USH2A: variants seen among roughly 807,000 people sequenced by gnomAD.
The protein encoded by USH2A is usherin, also known as Usher syndrome 2A (autosomal recessive, mild).
Under a neutral mutation model 538.9 loss-of-function variants are expected in USH2A, and 443 were observed. The observed-to-expected ratio is 0.82, with a 90% confidence interval of 0.76 to 0.89. The LOEUF (loss-of-function observed/expected upper bound fraction) is 0.89, where lower values mean the gene tolerates loss of function less well. Ranked by LOEUF, USH2A falls within the 40% of genes least tolerant of loss-of-function variation. USH2A has a pLI of 0.00. For synonymous variants in USH2A, 2,413 were observed against 2,273.5 expected, an observed-to-expected ratio of 1.06 and a Z score of -1.75; for missense variants, 6,633 against 6,324.8, an observed-to-expected ratio of 1.05 and a Z score of -1.65.
In USH2A at chr1:215,674,312, T is replaced by G; in HGVS notation, c.13599A>C (p.Ser4533=). The G allele has an allele frequency of 6.2e-7, 1 of 1,613,972 alleles. No individual in the cohort carries two copies. Among genetic ancestry groups the G allele is most frequent in the Non-Finnish European group, 8.5e-7 (1 of 1,179,962 alleles). ...VKDRTSPSAP[S]GMEPPKLQAR... Reference sequence around the variant, plus strand: ...CCTGCAATTTTGGAGGTTCCATCCCTGAGGGTGCTGAGGGGCTGGTTCGAT... The same window carrying G: ...CCTGCAATTTTGGAGGTTCCATCCCGGAGGGTGCTGAGGGGCTGGTTCGAT... Residue 4533 remains serine, a synonymous_variant, in exon 63 of 72, where the codon TCA becomes TCC. Coordinates refer to ENST00000307340, the MANE Select transcript of USH2A (RefSeq NM_206933.4).
intron 35 of USH2A, among the ~76,000 whole-genome samples, chr1:215,989,992 T>C (rs1667967054): frequency 6.6e-6 from 1 of 152,188 alleles, no homozygotes; most frequent in African/African-American, 2.4e-5. Flanking sequence ...CCAAGATTGT[T>C]CTAAGAATCA....
intron 30 of USH2A, among the ~76,000 whole-genome samples, chr1:216,057,462 C>T (rs186836968): frequency 6.6e-6 from 1 of 152,112 alleles, no homozygotes. Context: ...TTGAGATCAG[C>T]CTGACCAATA....
At chr1:215,872,137 A>G (rs1254449221) in intron 43 of USH2A, among the ~76,000 whole-genome samples, 1 of 152,214 alleles carries the variant, frequency 6.6e-6, no homozygotes, top group African/African-American at 2.4e-5. Flanking sequence ...TTTTCAGTAC[A>G]CCATCACACA....
Position 216,247,215 on chromosome 1 carries a change from C to T in USH2A, c.2179G>A (p.Asp727Asn). 1 of 1,613,864 alleles carries T rather than the reference C, an allele frequency of 6.2e-7. No individual in the cohort carries two copies. The highest frequency in any genetic ancestry group is 1.7e-4 in the Middle Eastern group (1 of 6,056). Residue 727 changes from aspartate (D) to asparagine (N), a missense_variant, in exon 13 of 72, where the codon GAT (aspartate) becomes AAT (asparagine). Coordinates refer to ENST00000307340, the MANE Select transcript of USH2A (RefSeq NM_206933.4). ...AATTTAAATCCAAAATTGCAATGAT[C>T]ACACCTAAGCCCTAAAGATAAAATA... ...CKANVIGLRCDHCNFGFKFLR... is the reference protein window; with the variant it reads ...CKANVIGLRCNHCNFGFKFLR...
intron 4 of USH2A, among the ~76,000 whole-genome samples, chr1:216,341,070 C>T (rs1477797012): frequency 3.3e-5 from 5 of 151,878 alleles, no homozygotes; most frequent in East Asian, 1.9e-4. Context: ...TGTTTGCAGG[C>T]GACATGATTC....
At chr1:216,145,075 A>T (rs1268078347) in intron 21 of USH2A, among the ~76,000 whole-genome samples, 1 of 152,196 alleles carries the variant, frequency 6.6e-6, no homozygotes, top group East Asian at 1.9e-4. Context: ...TCTGCTCTAT[A>T]CTTCAGCATT....
chr1:215,834,623 CT>C (rs1406707429), intron 47 of USH2A, among the ~76,000 whole-genome samples: 1 of 152,050 alleles, frequency 6.6e-6, no homozygotes, highest in Non-Finnish European at 1.5e-5. Flanking sequence ...TTCCTGGCAG[CT>C]TTTTGGATGT....
At chr1:216,098,400 A>G (rs955023659) in intron 21 of USH2A, among the ~76,000 whole-genome samples, 4 of 152,260 alleles carry the variant, frequency 2.6e-5, no homozygotes, top group African/African-American at 9.6e-5. Context: ...TGAATAATGA[A>G]TGAATACTGA....
chr1:215,889,056 T>C lies in USH2A; in HGVS notation c.7595-2A>G, dbSNP rs1064795047. On this transcript the variant is annotated splice_acceptor_variant, in intron 40 of 71. Coordinates refer to ENST00000307340, the MANE Select transcript of USH2A (RefSeq NM_206933.4). LOFTEE classifies it high-confidence loss of function. ...TCGGAGGAACTACAGGTCCAGGTTC[T>C]GTAAAGTAAAATAAATCCAGAAAGT... 1.2e-6 allele frequency: 2 copies of C among 1,613,364 alleles called. No homozygotes were observed. The highest frequency in any genetic ancestry group is 1.7e-6 in the Non-Finnish European group (2 of 1,179,990).
At chr1:216,274,682 C>T (rs1571648097) in intron 11 of USH2A, among the ~76,000 whole-genome samples, 2 of 152,100 alleles carry the variant, frequency 1.3e-5, no homozygotes, top group African/African-American at 4.8e-5. Context: ...TACTTGTTTC[C>T]ATTTAAGTGT....
chr1:216,085,742 G>A (rs1382738920), intron 24 of USH2A, among the ~76,000 whole-genome samples: 1 of 151,804 alleles, frequency 6.6e-6, no homozygotes, highest in Non-Finnish European at 1.5e-5. Context: ...GTGTGTGTGT[G>A]TGTGTGTGTT....
At chr1:216,070,020 A>C in intron 30 of USH2A, 81 bp downstream of exon 30, 2 of 1,512,938 alleles carry the variant, frequency 1.3e-6, no homozygotes, top group Non-Finnish European at 1.8e-6. Context: ...TTTTCTAAAA[A>C]ACATTTGCAG....
At chr1:216,381,475 C>T (rs2038921975) in intron 3 of USH2A, among the ~76,000 whole-genome samples, 1 of 151,826 alleles carries the variant, frequency 6.6e-6, no homozygotes, top group Non-Finnish European at 1.5e-5. Flanking sequence ...GAAATTTTCA[C>T]GATGAAGTTT....
intron 16 of USH2A, among the ~76,000 whole-genome samples, chr1:216,205,530 C>T (rs530578331): frequency 6.6e-6 from 1 of 152,172 alleles, no homozygotes; most frequent in Non-Finnish European, 1.5e-5. Flanking sequence ...AAATGAAACC[C>T]AGTATAATGC....
chr1:216,110,564 C>T (rs534065011), intron 21 of USH2A, among the ~76,000 whole-genome samples: 7 of 152,208 alleles, frequency 4.6e-5, no homozygotes, highest in African/African-American at 1.7e-4. Context: ...ACAAGAAAGG[C>T]ATAATACTTA....
intron 57 of USH2A, 53 bp downstream of exon 57, chr1:215,759,607 A>G: frequency 6.2e-7 from 1 of 1,603,116 alleles, no homozygotes; most frequent in Admixed American, 1.7e-5. Context: ...TTATCAACCC[A>G]GAGAAATGTA....
intron 21 of USH2A, among the ~76,000 whole-genome samples, chr1:216,114,897 T>C (rs1031642932): frequency 1.3e-5 from 2 of 152,272 alleles, no homozygotes; most frequent in South Asian, 2.1e-4. Context: ...AATGTATAGA[T>C]AGATACAGAT....
At chr1:216,411,986 CACA>C (rs1446518856) in intron 3 of USH2A, among the ~76,000 whole-genome samples, 4 of 152,030 alleles carry the variant, frequency 2.6e-5, no homozygotes, top group African/African-American at 9.7e-5. Flanking sequence ...TAGCACTTAC[CACA>C]ATTATAATTT....
intron 47 of USH2A, among the ~76,000 whole-genome samples, chr1:215,833,839 AACTC>A: frequency 6.6e-6 from 1 of 152,182 alleles, no homozygotes; most frequent in South Asian, 2.1e-4. Context: ...AAATTTTCAA[AACTC>A]AAAAAATAAG....
Sources: allele counts gnomAD v4.1 joint callset (sites outside exome capture counted in the v4.1 genomes callset), GRCh38; gene constraint gnomAD v4.1.1; transcripts MANE v1.5; gene names NCBI Gene and HGNC (gene_info 2026-07-23, HGNC 2026-07-21).